The following ASIC2 variants were observed in gnomAD, a reference collection of about 807,000 sequenced individuals.
The protein encoded by ASIC2 is acid-sensing ion channel 2.
In ASIC2, 25 loss-of-function variants were observed where a neutral mutation model predicts 57.3. The ratio of observed to expected loss-of-function variants is 0.44; its 90% CI spans 0.32 to 0.61. The LOEUF is 0.61. ASIC2 is among the 20% of genes least tolerant of loss of function. The pLI is 0.06. For missense variants in ASIC2, 641 were observed against 738.1 expected, an observed-to-expected ratio of 0.87 and a Z score of 1.52; for synonymous variants, 319 against 307.5, an observed-to-expected ratio of 1.04 and a Z score of -0.39.
chr17:33,366,574 C>T (rs1908817133), intron 1 of ASIC2, among the ~76,000 whole-genome samples: 2 of 152,186 alleles, frequency 1.3e-5, no homozygotes, highest in Non-Finnish European at 2.9e-5. Flanking sequence ...GATCAAGGAT[C>T]CTTTCTTATC....
intron 1 of ASIC2, among the ~76,000 whole-genome samples, chr17:33,195,122 A>C (rs1434601494): frequency 6.6e-6 from 1 of 152,138 alleles, no homozygotes; most frequent in Non-Finnish European, 1.5e-5. Flanking sequence ...GTGACATATT[A>C]TTTATTAAAA....
intron 1 of ASIC2, among the ~76,000 whole-genome samples, chr17:33,879,600 T>C (rs1348480316): frequency 6.6e-6 from 1 of 152,192 alleles, no homozygotes; most frequent in Non-Finnish European, 1.5e-5. Flanking sequence ...CCCAGATTCA[T>C]GAAGCAAGTC....
chr17:33,861,721 T>C (rs1490898), intron 1 of ASIC2, among the ~76,000 whole-genome samples: 104,291 of 152,054 alleles, frequency 0.69, 36,784 homozygotes, highest in Admixed American at 0.8. Context: ...CCACAATTGT[T>C]TTGGTTTGCT....
chr17:34,069,580 C>T (rs1909321603), intron 1 of ASIC2: 1 of 152,166 alleles, frequency 6.6e-6, no homozygotes, highest in Admixed American at 6.5e-5. Flanking sequence ...CTTGCCCTTT[C>T]TTGAGTGAAG....
At chr17:33,652,473 G>T (rs868565128) in intron 1 of ASIC2, among the ~76,000 whole-genome samples, 1 of 152,198 alleles carries the variant, frequency 6.6e-6, no homozygotes, top group Non-Finnish European at 1.5e-5. Flanking sequence ...CTGTGGGCAG[G>T]TTCCAGTATT....
intron 1 of ASIC2, among the ~76,000 whole-genome samples, chr17:33,421,434 A>G (rs911796221): frequency 6.6e-6 from 1 of 152,124 alleles, no homozygotes; most frequent in African/African-American, 2.4e-5. Flanking sequence ...TTCCTCCTTA[A>G]AGTGGGCCCC....
intron 1 of ASIC2, among the ~76,000 whole-genome samples, chr17:33,463,148 C>T (rs1912697444): frequency 6.6e-6 from 1 of 152,184 alleles, no homozygotes; most frequent in Non-Finnish European, 1.5e-5. Flanking sequence ...TTTCTAATGG[C>T]ATCTTCATTT....
At chr17:33,915,421 C>G (rs1211648026) in intron 1 of ASIC2, among the ~76,000 whole-genome samples, 1 of 152,336 alleles carries the variant, frequency 6.6e-6, no homozygotes, top group Admixed American at 6.5e-5. Flanking sequence ...CCTTCAATTA[C>G]TGCCCTGGCA....
At chr17:33,145,815 T>C (rs1027121407) in intron 1 of ASIC2, among the ~76,000 whole-genome samples, 12 of 152,324 alleles carry the variant, frequency 7.9e-5, no homozygotes, top group African/African-American at 2.9e-4. Flanking sequence ...AACCTGTCTA[T>C]GCAGGAGGCT....
intron 1 of ASIC2, among the ~76,000 whole-genome samples, chr17:34,101,225 T>A (rs1200813783): frequency 1.3e-5 from 2 of 152,190 alleles, no homozygotes; most frequent in African/African-American, 4.8e-5. Flanking sequence ...ATGTATCCGG[T>A]ATTGTTTTAA....
At chr17:34,003,292 G>C (rs918005955) in intron 1 of ASIC2, 5 of 152,138 alleles carry the variant, frequency 3.3e-5, no homozygotes, top group Non-Finnish European at 5.9e-5. Flanking sequence ...ATAAGATATG[G>C]ATGATAAGAC....
intron 1 of ASIC2, among the ~76,000 whole-genome samples, chr17:33,471,033 C>G (rs963564143): frequency 6.6e-6 from 1 of 152,172 alleles, no homozygotes; most frequent in Admixed American, 6.5e-5. Flanking sequence ...AGCAAAGATA[C>G]GGTTTGGTCA....
chr17:34,119,151 T>C (rs1911517100), intron 1 of ASIC2, among the ~76,000 whole-genome samples: 1 of 152,146 alleles, frequency 6.6e-6, no homozygotes, highest in Non-Finnish European at 1.5e-5. Context: ...CAAGTTTTAA[T>C]CAAGTGTTGA....
At chr17:33,469,963 CG>C (rs1912990049) in intron 1 of ASIC2, among the ~76,000 whole-genome samples, 1 of 151,880 alleles carries the variant, frequency 6.6e-6, no homozygotes, top group South Asian at 2.1e-4. Context: ...TGGGGGTCAG[CG>C]GGGGCAGCTA....
intron 3 of ASIC2, among the ~76,000 whole-genome samples, chr17:33,081,069 T>C (rs2092111372): frequency 6.6e-6 from 1 of 152,222 alleles, no homozygotes; most frequent in Non-Finnish European, 1.5e-5. Flanking sequence ...TTTTATCTCC[T>C]CCTAAGACTG....
chr17:34,086,922 C>T (rs1910132610), intron 1 of ASIC2, among the ~76,000 whole-genome samples: 1 of 152,048 alleles, frequency 6.6e-6, no homozygotes. Flanking sequence ...TTATTTTGAG[C>T]CTATGTGTGT....
At chr17:33,482,951 A>G (rs1016218636) in intron 1 of ASIC2, among the ~76,000 whole-genome samples, 1 of 152,210 alleles carries the variant, frequency 6.6e-6, no homozygotes, top group Non-Finnish European at 1.5e-5. Flanking sequence ...TCCCCAGTGA[A>G]TGGGGAATCA....
chr17:34,127,178 G>A (rs1379252052), intron 1 of ASIC2, among the ~76,000 whole-genome samples: 4 of 152,186 alleles, frequency 2.6e-5, no homozygotes, highest in Non-Finnish European at 5.9e-5. Context: ...AGTTTTCTAT[G>A]TGAAAGGCCA....
chr17:33,856,766 T>A (rs1913966581), intron 1 of ASIC2, among the ~76,000 whole-genome samples: 3 of 152,012 alleles, frequency 2.0e-5, no homozygotes. Context: ...ACTAACAAAG[T>A]CCTAGAGGCC....
Sources: allele counts gnomAD v4.1 joint callset (sites outside exome capture counted in the v4.1 genomes callset), GRCh38; gene constraint gnomAD v4.1.1; transcripts MANE v1.5; gene names NCBI Gene and HGNC (gene_info 2026-07-23, HGNC 2026-07-21).